RNF213: variants seen among roughly 807,000 people sequenced by gnomAD.
RNF213 encodes the protein ring finger protein 213.
A neutral mutation model predicts 514.4 loss-of-function variants in RNF213; 341 were observed. The ratio of observed to expected loss-of-function variants is 0.66; its 90% CI spans 0.61 to 0.73. RNF213 has a LOEUF of 0.73. Ranked by LOEUF, RNF213 falls within the 30% of genes least tolerant of loss-of-function variation. The pLI, the probability that RNF213 is intolerant of heterozygous loss-of-function variation, is 0.00. For synonymous variants in RNF213, 2,655 were observed against 2,658.2 expected (o/e 1.00, Z 0.04); for missense variants, 5,767 against 6,615.6 (o/e 0.87, Z 4.45).
intron 15 of RNF213, 83 bp downstream of exon 15, chr17:80,313,250 C>A: frequency 1.3e-6 from 2 of 1,562,716 alleles, no homozygotes; most frequent in Non-Finnish European, 1.8e-6. Flanking sequence ...GTACAGGCTG[C>A]TGGCCAGGGG....
rs940793349 is a variant in RNF213, at chr17:80,336,038, T to C, written c.4310-123T>C. On this transcript the variant is annotated intron_variant, in intron 22 of 67. Transcript: ENST00000582970. ...CCGGACTCTTACTGAAAGCAGAAAG[T>C]GGACAGAACCTTAAAAATTCATGAA... The C allele has an allele frequency of 7.8e-6, 6 of 771,816 alleles. No individual in the cohort carries two copies. The African/African-American group carries it at 1.1e-4, about 14-fold the overall frequency. The allele number at this position is 771,816 out of a possible 1,614,324, so 47.8% of individuals were successfully genotyped here.
intron 32 of RNF213, chr17:80,352,309 G>T (rs576246171): frequency 2.1e-4 from 43 of 205,874 alleles, no homozygotes; most frequent in African/African-American, 9.5e-4. Context: ...ATGAATCCTG[G>T]GATGGGAGGC....
At position 80,345,066 on chromosome 17, in the gene RNF213, TGA is replaced by T. The variant is rs2078265164; in HGVS notation, c.6733_6734del (p.Arg2245GlyfsTer26). On this transcript the variant is annotated frameshift_variant, in exon 29 of 68. Transcript: ENST00000582970. LOFTEE classifies it high-confidence loss of function. This position sits in a 1 kb window ranked among gnomAD's most constrained non-coding sequence, Gnocchi z 6.0. ...AATCCGAGTTTTATTGGCGACACAC[TGA>T]GGGGCTTCAAGAAGTTCGTGGTGAC... 4 of 1,614,006 alleles carry T rather than the reference TGA, an allele frequency of 2.5e-6. No individual in the cohort carries two copies. Among genetic ancestry groups the T allele is most frequent in the Non-Finnish European group, 3.4e-6 (4 of 1,180,034 alleles).
In RNF213 at chr17:80,337,636, TG is replaced by T; in HGVS notation, c.4581del (p.Ser1528LeufsTer7). On this transcript the variant is annotated frameshift_variant, in exon 24 of 68. Coordinates refer to ENST00000582970, the MANE Select transcript of RNF213 (RefSeq NM_001256071.3). LOFTEE classifies it high-confidence loss of function. ...EWLKTVNESH[G>X]SVERSSLTLA... Reference sequence around the variant, plus strand: ...GGCTGAAGACTGTGAATGAGAGTCATGGGTCTGTGGAACGCTCATCCCTGAC... The same window carrying T: ...GGCTGAAGACTGTGAATGAGAGTCATGGTCTGTGGAACGCTCATCCCTGAC... 1.3e-6 allele frequency: 2 copies of T among 1,537,292 alleles called. No homozygotes were observed. Among genetic ancestry groups the T allele is most frequent in the Non-Finnish European group, 1.7e-6 (2 of 1,146,920 alleles).
chr17:80,262,152 C>T (rs1266320024), intron 1 of RNF213, among the ~76,000 whole-genome samples: 3 of 151,890 alleles, frequency 2.0e-5, no homozygotes, highest in African/African-American at 7.3e-5. Context: ...GAGGGAGTGT[C>T]CACTGGTGGT....
chr17:80,347,674 C>T lies in RNF213; in HGVS notation c.9339C>T (p.Tyr3113=), dbSNP rs757766505. ...TGCAGAACCTCTACGAGAGCCTCTA[C>T]GACGCACTCAACCAGTACTACGTCC... ...LNLQNLYESL[Y]DALNQYYVHL... Residue 3113 remains tyrosine, a synonymous_variant, in exon 29 of 68, where the codon TAC becomes TAT. Coordinates refer to ENST00000582970, the MANE Select transcript of RNF213 (RefSeq NM_001256071.3). The surrounding 1 kb of genome is among the most constrained non-coding windows in gnomAD (Gnocchi z 7.2). 1.4e-5 allele frequency: 23 copies of T among 1,613,938 alleles called. No individual in the cohort carries two copies. Among genetic ancestry groups the T allele is most frequent in the African/African-American group, 9.3e-5 (7 of 74,940 alleles).
chr17:80,354,732 C>T, intron 36 of RNF213, 156 bp downstream of exon 36: 1 of 923,550 alleles, frequency 1.1e-6, no homozygotes, highest in South Asian at 1.4e-5. Flanking sequence ...CCCCAAGAAG[C>T]ACACAGTAGG....
rs886482451 is a variant in RNF213 at position 80,264,468 on chromosome 17, C to T, written c.97+690C>T. The stretch of plus-strand genomic sequence containing the variant: ...TGGCTTCTGGGGCCTCAGACTGGTT[C>T]CCCTCCTCCCGGGTTTTAAACACCA... On this transcript the variant is annotated intron_variant, in intron 2 of 67. Coordinates refer to ENST00000582970, the MANE Select transcript of RNF213 (RefSeq NM_001256071.3). This position sits in a 1 kb window ranked among gnomAD's most constrained non-coding sequence, Gnocchi z 5.0. Among the ~76,000 whole-genome samples the T allele has an allele frequency of 2.6e-5, 4 of 152,162 alleles. No homozygotes were observed. The highest frequency in any genetic ancestry group is 4.4e-5 in the Non-Finnish European group (3 of 67,998).
Position 80,343,053 on chromosome 17 carries a change from C to G in RNF213, c.5990-79C>G, listed in dbSNP as rs2078206433. On this transcript the variant is annotated intron_variant, in intron 26 of 67. Transcript: ENST00000582970. The surrounding 1 kb of genome is among the most constrained non-coding windows in gnomAD (Gnocchi z 4.3). Reference sequence around the variant, plus strand: ...GAACTCCTGACCTCAAGTGATCCCCCCGCCTCGGCCTCCCAAAGTGCTAGG... The same window carrying G: ...GAACTCCTGACCTCAAGTGATCCCCGCGCCTCGGCCTCCCAAAGTGCTAGG... The G allele has an allele frequency of 8.4e-7, 1 of 1,184,232 alleles. No individual in the cohort carries two copies. The highest frequency in any genetic ancestry group is 1.8e-5 in the Admixed American group (1 of 56,542). The allele number at this position is 1,184,232 out of a possible 1,614,324, so 73.4% of individuals were successfully genotyped here.
chr17:80,287,933 G>A lies in RNF213; in HGVS notation c.380G>A (p.Trp127Ter). ...PCHLTLLSNP[W>*]PQDTALPHSQ... is the part of the protein sequence containing the mutation. The stretch of plus-strand genomic sequence containing the variant: ...CACCTGACTTTGCTTTCAAACCCGT[G>A]GCCTCAGGACACAGCCCTGCCCCAC... The change falls in exon 4 of 68, where the codon TGG becomes TAG. Residue 127 changes from tryptophan (W) to a stop codon, truncating the protein, a stop_gained. Transcript: ENST00000582970. LOFTEE classifies it high-confidence loss of function. 1 of 1,569,702 alleles carries A rather than the reference G, an allele frequency of 6.4e-7. No individual in the cohort carries two copies. The highest frequency in any genetic ancestry group is 8.6e-7 in the Non-Finnish European group (1 of 1,157,358).
chr17:80,283,238 A>G (rs2044359212), intron 3 of RNF213, among the ~76,000 whole-genome samples: 1 of 152,110 alleles, frequency 6.6e-6, no homozygotes, highest in Admixed American at 6.6e-5. Flanking sequence ...GTCCTCACCG[A>G]GAAGTAAGTG....
intron 3 of RNF213, among the ~76,000 whole-genome samples, chr17:80,276,324 T>C (rs541857606): frequency 6.6e-6 from 1 of 152,012 alleles, no homozygotes; most frequent in East Asian, 1.9e-4. Flanking sequence ...GGTCTTGAAC[T>C]CCTGACTTCA....
At chr17:80,295,963 T>TA in intron 10 of RNF213, 150 bp downstream of exon 10, 1 of 785,154 alleles carries the variant, frequency 1.3e-6, no homozygotes, top group South Asian at 1.7e-5. Flanking sequence ...GTCATGTCAG[T>TA]AGTTTTTCCT....
chr17:80,279,978 C>A (rs201141090), intron 3 of RNF213, among the ~76,000 whole-genome samples: 1 of 152,234 alleles, frequency 6.6e-6, no homozygotes, highest in Admixed American at 6.5e-5. Context: ...CGCGCTCCCC[C>A]CAGCCCCTGC....
chr17:80,371,009 AT>A (rs34235051), intron 46 of RNF213, among the ~76,000 whole-genome samples: 78,481 of 151,122 alleles, frequency 0.52, 21,057 homozygotes, highest in Non-Finnish European at 0.59. Context: ...ATGAATATGG[AT>A]TTTTTTTTTT....
chr17:80,284,088 A>AG (rs1249787906), intron 3 of RNF213, among the ~76,000 whole-genome samples: 7 of 151,906 alleles, frequency 4.6e-5, no homozygotes, highest in African/African-American at 1.7e-4. Flanking sequence ...GGCCGGGCAC[A>AG]GTAGCTCACG....
At chr17:80,364,912 C>A in intron 42 of RNF213, 1 of 333,752 alleles carries the variant, frequency 3.0e-6, no homozygotes, top group South Asian at 2.5e-5. Context: ...GAAGCTGTTA[C>A]CATTTTCATA....
At chr17:80,271,438 A>G (rs1199419414) in intron 2 of RNF213, among the ~76,000 whole-genome samples, 1 of 152,124 alleles carries the variant, frequency 6.6e-6, no homozygotes, top group Non-Finnish European at 1.5e-5. Flanking sequence ...AGGTGCTGGA[A>G]ACGGGCGTGG....
chr17:80,367,148 C>A (rs1250341110), intron 42 of RNF213, among the ~76,000 whole-genome samples: 1 of 152,108 alleles, frequency 6.6e-6, no homozygotes, highest in Non-Finnish European at 1.5e-5. Context: ...TTGCAGAAGC[C>A]TTTATACAAC....
Sources: allele counts gnomAD v4.1 joint callset (sites outside exome capture counted in the v4.1 genomes callset), GRCh38; gene constraint gnomAD v4.1.1; non-coding constraint Gnocchi (gnomAD v3.1); transcripts MANE v1.5; gene names NCBI Gene and HGNC (gene_info 2026-07-23, HGNC 2026-07-21).